STON1: variants seen among roughly 807,000 people sequenced by gnomAD.
STON1 encodes stonin-1.
A neutral mutation model predicts 60.9 loss-of-function variants in STON1; 79 were observed. That is an observed-to-expected ratio of 1.30 (90% CI 1.08 to 1.56). STON1 has a LOEUF of 1.56. Among genes scored for constraint, STON1 ranks in the 40% most tolerant of loss-of-function variants. The probability of loss-of-function intolerance (pLI) is 0.00; values close to 1 mark genes in which losing one functional copy is unlikely to be tolerated. For missense variants in STON1, 1,166 were observed against 858.9 expected, an observed-to-expected ratio of 1.36 and a Z score of -4.47; for synonymous variants, 363 against 306.9, an observed-to-expected ratio of 1.18 and a Z score of -1.91.
chr2:48,572,912 A>G (rs1439234406), intron 1 of STON1, among the ~76,000 whole-genome samples: 1 of 152,212 alleles, frequency 6.6e-6, no homozygotes, highest in Non-Finnish European at 1.5e-5. Flanking sequence ...AAGGGCAGTG[A>G]CAGTGAAATG....
At chr2:48,563,043 G>A (rs1672673892) in intron 1 of STON1, among the ~76,000 whole-genome samples, 1 of 152,222 alleles carries the variant, frequency 6.6e-6, no homozygotes, top group Non-Finnish European at 1.5e-5. Flanking sequence ...GGTTCCCAGA[G>A]GCCTGTGAAG....
intron 1 of STON1, among the ~76,000 whole-genome samples, chr2:48,555,475 A>G (rs1672304318): frequency 1.1e-5 from 1 of 91,930 alleles, no homozygotes; most frequent in Non-Finnish European, 2.2e-5. Context: ...TCCCTCCCGG[A>G]CGGGGCGGCT....
chr2:48,539,479 C>T (rs1240562259), intron 1 of STON1, among the ~76,000 whole-genome samples: 1 of 151,926 alleles, frequency 6.6e-6, no homozygotes, highest in Non-Finnish European at 1.5e-5. Context: ...CAAGTTTTAA[C>T]CCATGTGTGG....
chr2:48,591,023 G>A (rs1674483856), intron 2 of STON1, among the ~76,000 whole-genome samples: 1 of 152,100 alleles, frequency 6.6e-6, no homozygotes, highest in South Asian at 2.1e-4. Context: ...AGATGGTAAG[G>A]AAATGAATAA....
chr2:48,566,706 C>G (rs1189978678), intron 1 of STON1, among the ~76,000 whole-genome samples: 1 of 152,162 alleles, frequency 6.6e-6, no homozygotes, highest in Non-Finnish European at 1.5e-5. Context: ...TGGCATTTAT[C>G]AAAGTTAGGC....
At chr2:48,579,755 T>C (rs1292090508) in intron 1 of STON1, among the ~76,000 whole-genome samples, 1 of 152,200 alleles carries the variant, frequency 6.6e-6, no homozygotes, top group Non-Finnish European at 1.5e-5. Flanking sequence ...TTCAAGTCTA[T>C]TGTTTCTTTA....
At chr2:48,560,007 T>C (rs1407349639) in intron 1 of STON1, among the ~76,000 whole-genome samples, 1 of 152,236 alleles carries the variant, frequency 6.6e-6, no homozygotes, top group Non-Finnish European at 1.5e-5. Context: ...TTTTAGGGTA[T>C]TAAATATCCT....
intron 1 of STON1, among the ~76,000 whole-genome samples, chr2:48,543,529 CTTTTTTTTTTT>C (rs869048449): frequency 3.9e-5 from 5 of 128,212 alleles, no homozygotes; most frequent in Non-Finnish European, 8.2e-5. Flanking sequence ...TTAAAGATAA[CTTTTTTTTTTT>C]TTTTTTTTTG....
chr2:48,544,375 T>G (rs940074788), intron 1 of STON1, among the ~76,000 whole-genome samples: 2 of 152,158 alleles, frequency 1.3e-5, no homozygotes, highest in African/African-American at 4.8e-5. Flanking sequence ...AATTGAGCAT[T>G]GATGATCTAA....
At chr2:48,545,891 C>A (rs1671845465) in intron 1 of STON1, among the ~76,000 whole-genome samples, 1 of 152,220 alleles carries the variant, frequency 6.6e-6, no homozygotes, top group African/African-American at 2.4e-5. Context: ...GCTGACATTA[C>A]TTTCTGGGGC....
intron 1 of STON1, among the ~76,000 whole-genome samples, chr2:48,553,497 C>A (rs1672187252): frequency 6.6e-6 from 1 of 150,516 alleles, no homozygotes; most frequent in African/African-American, 2.4e-5. Flanking sequence ...TTCCTCTTTC[C>A]TTTTTTTGAG....
intron 1 of STON1, among the ~76,000 whole-genome samples, chr2:48,557,077 C>G (rs1316911472): frequency 2.8e-5 from 3 of 106,852 alleles, no homozygotes; most frequent in East Asian, 3.4e-4. Context: ...GGGGCTGACC[C>G]CCCCCCACCT....
At chr2:48,545,939 C>T (rs543958447) in intron 1 of STON1, among the ~76,000 whole-genome samples, 2 of 152,320 alleles carry the variant, frequency 1.3e-5, no homozygotes, top group East Asian at 3.9e-4. Context: ...GGTGATGTTG[C>T]AGTTCTGCAA....
intron 2 of STON1, among the ~76,000 whole-genome samples, chr2:48,587,335 C>T (rs1674269033): frequency 6.6e-6 from 1 of 152,190 alleles, no homozygotes; most frequent in African/African-American, 2.4e-5. Flanking sequence ...CTCTGCCACC[C>T]AGGCTGGAGT....
intron 1 of STON1, among the ~76,000 whole-genome samples, chr2:48,568,863 C>T (rs1468115377): frequency 6.6e-6 from 1 of 152,190 alleles, no homozygotes; most frequent in Non-Finnish European, 1.5e-5. Context: ...CACGTGAGAA[C>T]AGCATCCTTC....
At chr2:48,564,403 GTGTCTTCTT>G (rs1287904994) in intron 1 of STON1, among the ~76,000 whole-genome samples, 113 of 130,028 alleles carry the variant, frequency 8.7e-4, no homozygotes, top group African/African-American at 3.2e-3. Context: ...GGCAGTGGCG[GTGTCTTCTT>G]CTTCTTCTTC....
At chr2:48,553,032 A>T (rs1672166569) in intron 1 of STON1, among the ~76,000 whole-genome samples, 1 of 152,166 alleles carries the variant, frequency 6.6e-6, no homozygotes, top group Admixed American at 6.5e-5. Context: ...TCTATCCAGC[A>T]AAGTAGCTGG....
chr2:48,583,128 AT>A, intron 2 of STON1, among the ~76,000 whole-genome samples: 1 of 152,366 alleles, frequency 6.6e-6, no homozygotes, highest in East Asian at 1.9e-4. Context: ...TCACTCTGTC[AT>A]CCAGGCTGGA....
At chr2:48,548,479 T>C (rs1671950130) in intron 1 of STON1, among the ~76,000 whole-genome samples, 1 of 152,182 alleles carries the variant, frequency 6.6e-6, no homozygotes, top group African/African-American at 2.4e-5. Flanking sequence ...TTGTTTCCTT[T>C]CTTCTTTCAT....
Sources: gnomAD v4.1 joint callset for allele counts (sites outside exome capture counted in the v4.1 genomes callset) on GRCh38, gnomAD v4.1.1 for gene constraint, MANE v1.5 for transcripts, NCBI Gene and HGNC (gene_info 2026-07-23, HGNC 2026-07-21) for gene names.